TENM4: variants seen among roughly 807,000 people sequenced by gnomAD.
TENM4 encodes the protein teneurin transmembrane protein 4.
In TENM4, 82 loss-of-function variants were observed where a neutral mutation model predicts 243.3. That is an observed-to-expected ratio of 0.34 (90% CI 0.28 to 0.40). The LOEUF is 0.40. Among genes scored for constraint, TENM4 ranks in the 10% least tolerant of loss-of-function variants. The probability of loss-of-function intolerance (pLI) is 1.00; values close to 1 mark genes in which losing one functional copy is unlikely to be tolerated. For synonymous variants in TENM4, 1,412 were observed against 1,456.3 expected, an observed-to-expected ratio of 0.97 and a Z score of 0.69; for missense variants, 3,138 against 3,673.3, an observed-to-expected ratio of 0.85 and a Z score of 3.77.
intron 4 of TENM4, among the ~76,000 whole-genome samples, chr11:79,135,668 A>C (rs1862093206): frequency 6.6e-6 from 1 of 150,518 alleles, no homozygotes; most frequent in Non-Finnish European, 1.5e-5. Context: ...ACACACACAT[A>C]TATGATATAT....
chr11:79,119,088 G>A (rs575190801), intron 4 of TENM4, among the ~76,000 whole-genome samples: 5 of 152,170 alleles, frequency 3.3e-5, no homozygotes, highest in Non-Finnish European at 7.4e-5. Flanking sequence ...TTTAGGAAGT[G>A]GTAGTCAGAC....
At chr11:78,658,862 A>T in intron 33 of TENM4, 46 bp from the exon 34 acceptor site, 3 of 1,562,478 alleles carry the variant, frequency 1.9e-6, no homozygotes, top group Non-Finnish European at 2.6e-6. Flanking sequence ...AAAGGGGAAA[A>T]AACCCTGAGA....
intron 3 of TENM4, among the ~76,000 whole-genome samples, chr11:79,195,843 T>C (rs1590785774): frequency 6.6e-6 from 1 of 152,116 alleles, no homozygotes; most frequent in South Asian, 2.1e-4. Context: ...ACATGAGATT[T>C]GGAGGGGCCA....
chr11:78,812,363 C>T (rs1027676180), intron 13 of TENM4, 47 bp from the exon 14 acceptor site: 40 of 1,531,582 alleles, frequency 2.6e-5, no homozygotes, highest in Non-Finnish European at 3.4e-5. Context: ...GTCCAGCACA[C>T]CCCAACTGCC....
rs1201390547 is a variant in TENM4, at chr11:78,704,157, G to GTGTATATATATATATA, written c.4210-1755_4210-1754insTATATATATATATACA. On this transcript the variant is annotated intron_variant, in intron 27 of 33. Coordinates refer to ENST00000278550, the MANE Select transcript of TENM4 (RefSeq NM_001098816.3). Reference sequence around the variant, plus strand: ...TGTATGTCTATGTGTATGTATGTGTGTCTATATATATATATATATATATAT... The same window carrying GTGTATATATATATATA: ...TGTATGTCTATGTGTATGTATGTGTGTGTATATATATATATATCTATATATATATATATATATATAT... Among the ~76,000 whole-genome samples the GTGTATATATATATATA allele has an allele frequency of 1.0e-3, 72 of 70,498 alleles. 1 individual carries two copies. The highest frequency in any genetic ancestry group is 4.3e-3 in the African/African-American group (71 of 16,666). The allele number at this position is 70,498 out of a possible 152,430, so 46.2% of individuals were successfully genotyped here. A position where few individuals can be genotyped will look rare whatever the true frequency, so the allele number is the denominator to read the frequency against.
chr11:78,814,405 G>T lies in TENM4; in HGVS notation c.1682-10C>A, dbSNP rs1429263172. The T allele has an allele frequency of 3.9e-6, 6 of 1,546,956 alleles. No homozygotes were observed. The African/African-American group carries it at 5.5e-5, about 14-fold the overall frequency. On this transcript the variant is annotated splice_polypyrimidine_tract_variant and intron_variant, in intron 12 of 33. Coordinates refer to ENST00000278550, the MANE Select transcript of TENM4 (RefSeq NM_001098816.3). ...CAGTTATCCACCGACTCTGGGGAGA[G>T]AAAGGAGAAGGAGAGTTGAAAACAA... is the stretch of plus-strand genomic sequence containing the variant.
chr11:79,001,966 T>C (rs1858340424), intron 6 of TENM4, among the ~76,000 whole-genome samples: 1 of 152,166 alleles, frequency 6.6e-6, no homozygotes. Context: ...TGTCATGCAT[T>C]TGCCCATAGC....
chr11:78,695,880 T>C (rs948698895), intron 28 of TENM4, among the ~76,000 whole-genome samples: 2 of 151,958 alleles, frequency 1.3e-5, no homozygotes, highest in South Asian at 2.1e-4. Flanking sequence ...TATGTACTTA[T>C]TCTGCTTGGT....
chr11:79,347,537 G>T (rs1857344832), intron 1 of TENM4, among the ~76,000 whole-genome samples: 2 of 152,112 alleles, frequency 1.3e-5, no homozygotes, highest in Admixed American at 6.5e-5. Flanking sequence ...CCTCCCCAGG[G>T]AGGACCTCAT....
At chr11:78,665,252 CTTTT>C (rs1858128912) in intron 32 of TENM4, among the ~76,000 whole-genome samples, 1 of 132,856 alleles carries the variant, frequency 7.5e-6, no homozygotes, top group African/African-American at 2.8e-5. Flanking sequence ...TCTTTCTTTT[CTTTT>C]TCTTTTTTTT....
chr11:79,150,375 C>T (rs1862480449), intron 3 of TENM4, among the ~76,000 whole-genome samples: 3 of 152,124 alleles, frequency 2.0e-5, no homozygotes, highest in Admixed American at 1.3e-4. Context: ...TCTATCAAAG[C>T]AGGCATGAGT....
intron 16 of TENM4, among the ~76,000 whole-genome samples, chr11:78,785,127 T>G (rs1856909714): frequency 6.6e-6 from 1 of 151,864 alleles, no homozygotes; most frequent in South Asian, 2.1e-4. Flanking sequence ...AAAGGTTGGT[T>G]CATCCTCAGT....
chr11:78,957,083 T>C (rs560395387), intron 6 of TENM4, among the ~76,000 whole-genome samples: 2 of 152,296 alleles, frequency 1.3e-5, no homozygotes, highest in Non-Finnish European at 1.5e-5. Context: ...CATGAATGAA[T>C]GAATAAAGGA....
At chr11:79,320,834 CT>C (rs1347225336) in intron 1 of TENM4, among the ~76,000 whole-genome samples, 1 of 152,168 alleles carries the variant, frequency 6.6e-6, no homozygotes, top group Non-Finnish European at 1.5e-5. Context: ...CTCCCTATAG[CT>C]TTCATTTTAG....
intron 1 of TENM4, among the ~76,000 whole-genome samples, chr11:79,396,436 A>C (rs1263317375): frequency 6.6e-6 from 1 of 152,188 alleles, no homozygotes; most frequent in African/African-American, 2.4e-5. Context: ...TGGGCCATTC[A>C]GGGTTCAGTC....
intron 19 of TENM4, among the ~76,000 whole-genome samples, chr11:78,749,049 T>C (rs1856120154): frequency 6.6e-6 from 1 of 152,184 alleles, no homozygotes; most frequent in Non-Finnish European, 1.5e-5. Flanking sequence ...CTTTCTGTGA[T>C]GGACAACTAG....
intron 6 of TENM4, among the ~76,000 whole-genome samples, chr11:78,989,983 G>A (rs1288417165): frequency 1.3e-5 from 2 of 151,872 alleles, no homozygotes; most frequent in African/African-American, 4.8e-5. Flanking sequence ...AGAGTCACCT[G>A]AGCCCGGGGA....
intron 3 of TENM4, among the ~76,000 whole-genome samples, chr11:79,200,422 A>G (rs757645464): frequency 6.6e-6 from 1 of 152,210 alleles, no homozygotes; most frequent in African/African-American, 2.4e-5. Context: ...GTCCCCCAGG[A>G]CATGCCATAG....
chr11:78,712,780 C>G, intron 25 of TENM4, 66 bp from the exon 26 acceptor site: 4 of 1,430,048 alleles, frequency 2.8e-6, no homozygotes, highest in Non-Finnish European at 3.9e-6. Context: ...TGGAGATGTA[C>G]AGATGAACCC....
Sources: gnomAD v4.1 joint callset for allele counts (sites outside exome capture counted in the v4.1 genomes callset) on GRCh38, gnomAD v4.1.1 for gene constraint, MANE v1.5 for transcripts, NCBI Gene and HGNC (gene_info 2026-07-23, HGNC 2026-07-21) for gene names.